The following ACSS2 variants were observed in gnomAD, a reference collection of about 807,000 sequenced individuals.
The protein encoded by ACSS2 is acyl-CoA synthetase short chain family member 2.
In ACSS2, 58 loss-of-function variants were observed where a neutral mutation model predicts 90.6. That is an observed-to-expected ratio of 0.64 (90% CI 0.52 to 0.80). ACSS2 has a LOEUF of 0.80. Ranked by LOEUF, ACSS2 falls within the 30% of genes least tolerant of loss-of-function variation. The pLI is 0.00. For synonymous variants in ACSS2, 300 were observed against 330.9 expected (o/e 0.91, Z 1.01); for missense variants, 759 against 912.0 (o/e 0.83, Z 2.16).
chr20:34,922,063 G>T, intron 13 of ACSS2, 197 bp downstream of exon 13: 3 of 1,325,868 alleles, frequency 2.3e-6, no homozygotes, highest in Non-Finnish European at 1.9e-6. Flanking sequence ...TGGGCCATAA[G>T]TCTCCTAAGG....
intron 2 of ACSS2, among the ~76,000 whole-genome samples, chr20:34,907,865 A>T (rs1328113085): frequency 6.6e-6 from 1 of 152,184 alleles, no homozygotes; most frequent in East Asian, 1.9e-4. Context: ...GGAGGGTTAA[A>T]GCCTACTGAC....
intron 2 of ACSS2, among the ~76,000 whole-genome samples, chr20:34,886,060 A>G (rs914310107): frequency 6.6e-6 from 1 of 152,186 alleles, no homozygotes; most frequent in African/African-American, 2.4e-5. Context: ...AATATGCCGG[A>G]TATGTGGTTA....
intron 1 of ACSS2, among the ~76,000 whole-genome samples, chr20:34,877,840 A>T (rs1040392323): frequency 1.5e-4 from 23 of 151,406 alleles, no homozygotes; most frequent in African/African-American, 4.1e-4. Flanking sequence ...AAAAAAAAAA[A>T]AAAAAAAAAG....
intron 4 of ACSS2, 83 bp from the exon 5 acceptor site, chr20:34,913,670 A>C: frequency 1.4e-6 from 2 of 1,409,822 alleles, no homozygotes; most frequent in Non-Finnish European, 2.0e-6. Context: ...AGAGATCCTG[A>C]AAGTTCCATG....
intron 1 of ACSS2, among the ~76,000 whole-genome samples, chr20:34,878,926 A>C (rs2079993578): frequency 8.0e-6 from 1 of 125,002 alleles, no homozygotes; most frequent in Non-Finnish European, 1.7e-5. Context: ...TTTTTTTGAG[A>C]CGGAGTCTCG....
intron 7 of ACSS2, among the ~76,000 whole-genome samples, chr20:34,916,309 C>T (rs536133237): frequency 6.6e-6 from 1 of 152,326 alleles, no homozygotes; most frequent in East Asian, 1.9e-4. Context: ...TAAACTTGAA[C>T]AAATTACTTA....
In ACSS2 at chr20:34,917,484, G is replaced by A. The variant is rs545716677; in HGVS notation, c.835-1951G>A. ...GCAGGTGGTACAGAAAGAACGGAGT[G>A]GTTAGAGAGTCATTTTCTAATTTAT... On this transcript the variant is annotated intron_variant, in intron 7 of 17. Transcript: ENST00000360596. Among the ~76,000 whole-genome samples the A allele has an allele frequency of 7.2e-5, 11 of 152,170 alleles. No homozygotes were observed. In the Middle Eastern group the frequency reaches 0.01, roughly 141 times the overall value.
chr20:34,923,367 G>C lies in ACSS2; in HGVS notation c.1593G>C (p.Gly531=). The part of the protein sequence containing the change: ...PWPGIMRTVY[G]NHERFETTYF... ...CAGGGATCATGCGCACAGTCTATGG[G>C]AACCACGAACGCTTTGAGACAACCT... The change falls in exon 14 of 18, where the codon GGG becomes GGC. Residue 531 remains glycine (G), a synonymous_variant. Coordinates refer to ENST00000360596, the MANE Select transcript of ACSS2 (RefSeq NM_018677.4). The C allele has an allele frequency of 6.2e-7, 1 of 1,614,146 alleles. No individual in the cohort carries two copies. Among genetic ancestry groups the C allele is most frequent in the Admixed American group, 1.7e-5 (1 of 60,014 alleles).
intron 2 of ACSS2, among the ~76,000 whole-genome samples, chr20:34,905,262 GTT>G (rs34401220): frequency 5.8e-5 from 8 of 139,068 alleles, no homozygotes; most frequent in Non-Finnish European, 4.7e-5. Context: ...AAATTCAGAA[GTT>G]TTTTTTTTTT....
At chr20:34,894,786 C>T (rs1201075329) in intron 2 of ACSS2, among the ~76,000 whole-genome samples, 1 of 152,154 alleles carries the variant, frequency 6.6e-6, no homozygotes, top group Non-Finnish European at 1.5e-5. Context: ...GCTGTACTTG[C>T]TAAGACCACA....
chr20:34,899,085 C>CGGCT (rs1328658720), intron 2 of ACSS2, among the ~76,000 whole-genome samples: 1 of 152,192 alleles, frequency 6.6e-6, no homozygotes, highest in South Asian at 2.1e-4. Flanking sequence ...CAGGGCCGGC[C>CGGCT]GGCTGCTCCG....
At chr20:34,913,726 TC>T in intron 4 of ACSS2, 26 bp from the exon 5 acceptor site, 2 of 1,606,028 alleles carry the variant, frequency 1.2e-6, no homozygotes, top group Non-Finnish European at 1.7e-6. Context: ...CTTTCTTCTC[TC>T]CCTCAGACTT....
Position 34,888,491 on chromosome 20 carries a change from A to T in ACSS2, c.374+5502A>T, listed in dbSNP as rs139917386. On this transcript the variant is annotated intron_variant, in intron 2 of 17. Transcript: ENST00000360596. The stretch of plus-strand genomic sequence containing the variant: ...TTAGAGTAAAAGGTTTATGCAGGGA[A>T]CAATTTATTCATTCAATAAATGCTT... Among the ~76,000 whole-genome samples the T allele has an allele frequency of 2.0e-5, 3 of 152,350 alleles. No homozygotes were observed. The East Asian group carries it at 5.8e-4, about 29-fold the overall frequency.
chr20:34,910,925 C>T (rs1024454595), intron 2 of ACSS2, among the ~76,000 whole-genome samples: 3 of 152,010 alleles, frequency 2.0e-5, no homozygotes, highest in African/African-American at 4.8e-5. Context: ...AGGGTACAAG[C>T]GATCTTCCTG....
Position 34,924,644 on chromosome 20 carries a change from G to A in ACSS2, c.1658-1054G>A, listed in dbSNP as rs557784005. ...AGGGTCTTGTGGGCCATGGTGAGGA[G>A]TTTGAATTTTATTCAAAGTACAGTG... On this transcript the variant is annotated intron_variant, in intron 14 of 17. Transcript: ENST00000360596. Among the ~76,000 whole-genome samples, 4 of 152,218 alleles carry A rather than the reference G, an allele frequency of 2.6e-5. No individual in the cohort carries two copies. In the South Asian group the frequency reaches 8.3e-4, roughly 32 times the overall value.
At chr20:34,916,831 C>G (rs1460879528) in intron 7 of ACSS2, among the ~76,000 whole-genome samples, 1 of 152,054 alleles carries the variant, frequency 6.6e-6, no homozygotes, top group Non-Finnish European at 1.5e-5. Flanking sequence ...CGTCTATGAG[C>G]TCCCTCATAT....
At chr20:34,923,280 A>G in intron 13 of ACSS2, 43 bp from the exon 14 acceptor site, 1 of 1,360,536 alleles carries the variant, frequency 7.4e-7, no homozygotes, top group African/African-American at 1.4e-5. Flanking sequence ...TTCCAGTGAG[A>G]CAGCATAGCA....
At chr20:34,877,038 C>CCGT (rs2146950408) in intron 1 of ACSS2, among the ~76,000 whole-genome samples, 1 of 152,130 alleles carries the variant, frequency 6.6e-6, no homozygotes, top group East Asian at 1.9e-4. Flanking sequence ...CTTGGAGGGT[C>CCGT]CGTGGTGGAG....
intron 15 of ACSS2, 122 bp downstream of exon 15, chr20:34,925,888 C>A: frequency 3.3e-6 from 4 of 1,208,464 alleles, no homozygotes; most frequent in Non-Finnish European, 4.6e-6. Context: ...GTGTAGCATT[C>A]AGTTCTGGGC....
Sources: gnomAD v4.1 joint callset for allele counts (sites outside exome capture counted in the v4.1 genomes callset) on GRCh38, gnomAD v4.1.1 for gene constraint, MANE v1.5 for transcripts, NCBI Gene and HGNC (gene_info 2026-07-23, HGNC 2026-07-21) for gene names.